Variants in FTO observed in about 807,000 individuals in gnomAD.
FTO encodes the protein FTO alpha-ketoglutarate dependent dioxygenase.
A neutral mutation model predicts 63.9 loss-of-function variants in FTO; 47 were observed. The ratio of observed to expected loss-of-function variants is 0.74; its 90% CI spans 0.58 to 0.94. The LOEUF is 0.94. FTO is among the 40% of genes least tolerant of loss of function. FTO has a pLI of 0.00. For synonymous variants in FTO, 207 were observed against 224.4 expected (o/e 0.92, Z 0.69); for missense variants, 562 against 618.1 (o/e 0.91, Z 0.96).
chr16:54,082,575 G>A (rs1327041665), intron 8 of FTO, among the ~76,000 whole-genome samples: 3 of 152,174 alleles, frequency 2.0e-5, no homozygotes, highest in Non-Finnish European at 4.4e-5. Flanking sequence ...AGACCTACAG[G>A]AGAGTCCTTC....
rs1352275625 is a variant in FTO at position 54,044,924 on chromosome 16, C to T, written c.1365-66838C>T. The stretch of plus-strand genomic sequence containing the variant: ...TTTGAAACCAACGAGAACAAAGACA[C>T]CACATAACAGAATCTCTGGGACGCA... On this transcript the variant is annotated intron_variant, in intron 8 of 8. Transcript: ENST00000471389. 3.8e-5 allele frequency among the ~76,000 whole-genome samples: 4 copies of T among 106,498 alleles called. 2 individuals are homozygous for T. The highest frequency in any genetic ancestry group is 2.6e-4 in the African/African-American group (4 of 15,370). The allele number at this position is 106,498 out of a possible 152,430, so 69.9% of individuals were successfully genotyped here.
intron 8 of FTO, among the ~76,000 whole-genome samples, chr16:54,042,132 G>T (rs1207994546): frequency 1.3e-5 from 2 of 151,996 alleles, no homozygotes; most frequent in African/African-American, 4.8e-5. Context: ...AACAGCTCCG[G>T]TCTACAGCTC....
chr16:54,102,067 G>T (rs767000601), intron 8 of FTO, among the ~76,000 whole-genome samples: 81 of 152,074 alleles, frequency 5.3e-4, no homozygotes, highest in Non-Finnish European at 8.8e-5. Flanking sequence ...TTAGACCTTT[G>T]TCAGATGCAT....
At chr16:53,812,828 G>A (rs985551771) in intron 2 of FTO, among the ~76,000 whole-genome samples, 1 of 152,142 alleles carries the variant, frequency 6.6e-6, no homozygotes, top group African/African-American at 2.4e-5. Flanking sequence ...CAGATTATCT[G>A]CAGTGAAGGT....
At chr16:53,789,509 T>G (rs1396429273) in intron 1 of FTO, among the ~76,000 whole-genome samples, 1 of 152,214 alleles carries the variant, frequency 6.6e-6, no homozygotes, top group African/African-American at 2.4e-5. Context: ...CATTTTTTTC[T>G]GTTCTAATTT....
At chr16:53,861,320 C>T (rs183426200) in intron 4 of FTO, among the ~76,000 whole-genome samples, 3 of 152,312 alleles carry the variant, frequency 2.0e-5, no homozygotes, top group Admixed American at 1.3e-4. Flanking sequence ...CACCAACCTC[C>T]TTTACCCTAC....
At chr16:53,719,250 CTTCTTTTTTTTT>C (rs1434064301) in intron 1 of FTO, among the ~76,000 whole-genome samples, 1 of 85,982 alleles carries the variant, frequency 1.2e-5, no homozygotes, top group Non-Finnish European at 2.4e-5. Flanking sequence ...TTTTCTTCTT[CTTCTTTTTTTTT>C]TTTTTTTTTT....
At position 53,813,268 on chromosome 16, in the gene FTO, G is replaced by A. The variant is rs1042046320; in HGVS notation, c.123+3051G>A. Among the ~76,000 whole-genome samples the A allele has an allele frequency of 3.3e-5, 5 of 151,338 alleles. 1 individual carries two copies. The highest frequency in any genetic ancestry group is 3.3e-4 in the Admixed American group (5 of 15,192). On this transcript the variant is annotated intron_variant, in intron 2 of 8. Transcript: ENST00000471389. The stretch of plus-strand genomic sequence containing the variant: ...ACTCTGTTGCCCAGGCTGGAGTGCA[G>A]TGGTGCAATATCAGCTCACTGCAAC...
chr16:53,913,192 ACT>A (rs1290873852), intron 7 of FTO, among the ~76,000 whole-genome samples: 2 of 152,014 alleles, frequency 1.3e-5, no homozygotes, highest in Non-Finnish European at 2.9e-5. Flanking sequence ...TTAGGAGCTG[ACT>A]CTATGCAAAA....
At chr16:53,739,420 T>C (rs928209938) in intron 1 of FTO, among the ~76,000 whole-genome samples, 1 of 151,330 alleles carries the variant, frequency 6.6e-6, no homozygotes, top group Admixed American at 6.6e-5. Flanking sequence ...TTTACCGTGT[T>C]AGCCAGGATG....
At chr16:53,892,765 G>A (rs1045949861) in intron 7 of FTO, among the ~76,000 whole-genome samples, 4 of 152,072 alleles carry the variant, frequency 2.6e-5, no homozygotes, top group Non-Finnish European at 2.9e-5. Flanking sequence ...ATCGGCCCTC[G>A]TACCAGGGAA....
At chr16:54,105,459 C>CA (rs1398652432) in intron 8 of FTO, among the ~76,000 whole-genome samples, 3 of 152,100 alleles carry the variant, frequency 2.0e-5, no homozygotes, top group African/African-American at 7.2e-5. Context: ...GGCAGCCAGC[C>CA]AGATGTCCAG....
At chr16:54,020,673 T>G (rs573617596) in intron 8 of FTO, among the ~76,000 whole-genome samples, 11 of 152,180 alleles carry the variant, frequency 7.2e-5, no homozygotes, top group Non-Finnish European at 1.6e-4. Context: ...TATAATAGCC[T>G]TGAATTTTCC....
At position 54,013,852 on chromosome 16, in the gene FTO, C is replaced by T. The variant is rs74245275; in HGVS notation, c.1364+79743C>T. 5.3e-5 allele frequency among the ~76,000 whole-genome samples: 8 copies of T among 152,258 alleles called. No homozygotes were observed. The South Asian group carries it at 6.2e-4, about 12-fold the overall frequency. On this transcript the variant is annotated intron_variant, in intron 8 of 8. Coordinates refer to ENST00000471389, the MANE Select transcript of FTO (RefSeq NM_001080432.3). ...ATGCACTGGGAAGCCAAAAAATTCA[C>T]GTGAGCTACTTTATTGCTATATTTA...
At chr16:53,949,008 T>TGG (rs2082712098) in intron 8 of FTO, among the ~76,000 whole-genome samples, 1 of 152,230 alleles carries the variant, frequency 6.6e-6, no homozygotes, top group Admixed American at 6.5e-5. Context: ...ATTTCATCTT[T>TGG]CCTTTTATAA....
intron 8 of FTO, among the ~76,000 whole-genome samples, chr16:54,099,064 G>T (rs898077416): frequency 1.3e-5 from 2 of 152,148 alleles, no homozygotes; most frequent in African/African-American, 4.8e-5. Context: ...TCTCAATCAT[G>T]GTCCTTTGTG....
chr16:53,839,980 T>C (rs929871761), intron 3 of FTO, among the ~76,000 whole-genome samples: 2 of 151,880 alleles, frequency 1.3e-5, no homozygotes, highest in Non-Finnish European at 2.9e-5. Context: ...AATTTTTGCA[T>C]TTTTAGTAGA....
Position 53,902,836 on chromosome 16 carries a change from G to A in FTO, c.1239+13885G>A, listed in dbSNP as rs374480644. Among the ~76,000 whole-genome samples, 5 of 152,172 alleles carry A rather than the reference G, an allele frequency of 3.3e-5. No individual in the cohort carries two copies. The East Asian group carries it at 7.7e-4, about 23-fold the overall frequency. On this transcript the variant is annotated intron_variant, in intron 7 of 8. Coordinates refer to ENST00000471389, the MANE Select transcript of FTO (RefSeq NM_001080432.3). ...GAATTCAAAAGTTATCAACGTGGCC[G>A]GGCATGGTGGCTCATTCCTGTAATT...
intron 8 of FTO, among the ~76,000 whole-genome samples, chr16:53,969,951 C>T (rs573776186): frequency 2.0e-5 from 3 of 152,092 alleles, no homozygotes; most frequent in Non-Finnish European, 4.4e-5. Context: ...AGGAGGCTAG[C>T]CAGGGCCTTG....
Sources: allele counts gnomAD v4.1 joint callset (sites outside exome capture counted in the v4.1 genomes callset), GRCh38; gene constraint gnomAD v4.1.1; transcripts MANE v1.5; gene names NCBI Gene and HGNC (gene_info 2026-07-23, HGNC 2026-07-21).